The following NRXN3 variants were observed in gnomAD, a reference collection of about 807,000 sequenced individuals.
The protein encoded by NRXN3 is neurexin 3, also known as neurexin III.
NRXN3 carries 32 observed loss-of-function variants against 137.6 expected under a neutral mutation model. That is an observed-to-expected ratio of 0.23 (90% CI 0.18 to 0.31). The LOEUF is 0.31. Among genes scored for constraint, NRXN3 ranks in the 10% least tolerant of loss-of-function variants. The pLI is 1.00. For synonymous variants in NRXN3, 798 were observed against 784.5 expected (o/e 1.02, Z -0.29); for missense variants, 1,574 against 2,062.5 (o/e 0.76, Z 4.59).
At chr14:79,751,568 TCTC>T (rs1472095120) in intron 19 of NRXN3, among the ~76,000 whole-genome samples, 1 of 152,080 alleles carries the variant, frequency 6.6e-6, no homozygotes, top group Non-Finnish European at 1.5e-5. Flanking sequence ...TTTATTTCCT[TCTC>T]CTGCCTAATT....
chr14:78,723,683 T>A (rs751476511), intron 8 of NRXN3, among the ~76,000 whole-genome samples: 3 of 151,006 alleles, frequency 2.0e-5, no homozygotes, highest in Non-Finnish European at 4.4e-5. Context: ...CATTGTAGAA[T>A]CAAAGTGTAT....
chr14:78,185,873 G>T (rs923526364), intron 1 of NRXN3, among the ~76,000 whole-genome samples: 1 of 152,224 alleles, frequency 6.6e-6, no homozygotes, highest in Non-Finnish European at 1.5e-5. Context: ...GCTAGACCAT[G>T]GGTGGGGACT....
intron 10 of NRXN3, among the ~76,000 whole-genome samples, chr14:78,937,102 A>C (rs2152893558): frequency 6.6e-6 from 1 of 151,410 alleles, no homozygotes; most frequent in Non-Finnish European, 1.5e-5. Flanking sequence ...GGCACCCGTA[A>C]TCCCAGCTAC....
chr14:79,053,995 T>A (rs1391352016), intron 15 of NRXN3, among the ~76,000 whole-genome samples: 2 of 151,520 alleles, frequency 1.3e-5, no homozygotes, highest in African/African-American at 4.9e-5. Flanking sequence ...CATTGATGAG[T>A]TCATGTCCTT....
chr14:79,225,662 G>A (rs963391296), intron 15 of NRXN3, among the ~76,000 whole-genome samples: 2 of 151,910 alleles, frequency 1.3e-5, no homozygotes, highest in African/African-American at 4.8e-5. Context: ...TTTACCCCCT[G>A]AATCTAAAAT....
chr14:78,896,799 T>C (rs1202992780), intron 10 of NRXN3, among the ~76,000 whole-genome samples: 1 of 151,806 alleles, frequency 6.6e-6, no homozygotes, highest in Admixed American at 6.6e-5. Flanking sequence ...AGCATAGAAA[T>C]AGAATAATAC....
At position 79,204,096 on chromosome 14, in the gene NRXN3, C is replaced by T. The variant is rs569363533; in HGVS notation, c.3262+215955C>T. On this transcript the variant is annotated intron_variant, in intron 15 of 20. Transcript: ENST00000335750. ...ATCCCCCTGTGTGTGGCCCATGCTA[C>T]ACTCATACTCCCACTCACAAGTAAG... is the stretch of plus-strand genomic sequence containing the variant. 2.9e-3 allele frequency among the ~76,000 whole-genome samples: 441 copies of T among 152,160 alleles called. 1 individual carries two copies. The highest frequency in any genetic ancestry group is 4.5e-3 in the Non-Finnish European group (309 of 68,018).
chr14:78,665,628 G>T (rs1247502210), intron 6 of NRXN3, among the ~76,000 whole-genome samples: 1 of 152,096 alleles, frequency 6.6e-6, no homozygotes, highest in East Asian at 1.9e-4. Context: ...ACTCTTTGAG[G>T]ATGCAATAAT....
intron 15 of NRXN3, among the ~76,000 whole-genome samples, chr14:79,223,807 G>A (rs1250062451): frequency 3.9e-5 from 6 of 152,096 alleles, no homozygotes; most frequent in Non-Finnish European, 1.5e-5. Flanking sequence ...ACACAAAAGT[G>A]GTTGCCTCTC....
Position 79,307,078 on chromosome 14 carries a change from A to C in NRXN3, c.3263-160143A>C, listed in dbSNP as rs116597511. Among the ~76,000 whole-genome samples the C allele has an allele frequency of 8.3e-3, 1,255 of 152,080 alleles. 13 individuals carry two copies. The highest frequency in any genetic ancestry group is 0.029 in the African/African-American group (1,188 of 41,484). On this transcript the variant is annotated intron_variant, in intron 15 of 20. Coordinates refer to ENST00000335750, the MANE Select transcript of NRXN3 (RefSeq NM_001330195.2). ...TTGATTTAGTTTTTAGAGTTCTTTC[A>C]CCTCCCTAATTAGGACAGCCACAAT...
At chr14:79,393,086 G>A (rs753350443) in intron 15 of NRXN3, among the ~76,000 whole-genome samples, 1 of 151,732 alleles carries the variant, frequency 6.6e-6, no homozygotes, top group Non-Finnish European at 1.5e-5. Context: ...CATTGTGGAA[G>A]TCAGCAGGTA....
chr14:79,468,779 A>T (rs981223214), intron 16 of NRXN3, among the ~76,000 whole-genome samples: 1 of 152,176 alleles, frequency 6.6e-6, no homozygotes, highest in Non-Finnish European at 1.5e-5. Flanking sequence ...TATAAGCCAG[A>T]TCAGGGCAAG....
intron 6 of NRXN3, among the ~76,000 whole-genome samples, chr14:78,686,488 G>A (rs569456078): frequency 6.6e-6 from 1 of 152,148 alleles, no homozygotes; most frequent in Non-Finnish European, 1.5e-5. Flanking sequence ...ACGCCTCCTG[G>A]AAAGCAGGTT....
intron 6 of NRXN3, among the ~76,000 whole-genome samples, chr14:78,655,554 A>G (rs945837005): frequency 2.6e-5 from 4 of 152,178 alleles, no homozygotes; most frequent in Admixed American, 2.0e-4. Context: ...CATTTATTTG[A>G]CACTATGTTT....
chr14:78,960,057 C>A (rs1351156895), intron 11 of NRXN3, among the ~76,000 whole-genome samples: 2 of 152,156 alleles, frequency 1.3e-5, no homozygotes, highest in Non-Finnish European at 2.9e-5. Context: ...TTGTAAATTG[C>A]ACTTTCTTTT....
At chr14:79,264,626 A>G (rs1211392168) in intron 15 of NRXN3, among the ~76,000 whole-genome samples, 1 of 151,890 alleles carries the variant, frequency 6.6e-6, no homozygotes, top group Non-Finnish European at 1.5e-5. Flanking sequence ...CCAGTATATT[A>G]GATTAGTGCC....
In NRXN3 at chr14:79,226,673, A is replaced by G. The variant is rs139960002; in HGVS notation, c.3262+238532A>G. 1.7e-4 allele frequency among the ~76,000 whole-genome samples: 26 copies of G among 152,296 alleles called. No individual in the cohort carries two copies. In the East Asian group the frequency reaches 4.8e-3, roughly 28 times the overall value. On this transcript the variant is annotated intron_variant, in intron 15 of 20. Coordinates refer to ENST00000335750, the MANE Select transcript of NRXN3 (RefSeq NM_001330195.2). Reference sequence around the variant, plus strand: ...CACATTACTGGTAAAGCCTCAGGGTAAACAGGCATTGCCTCCCATTTTGAT... The same window carrying G: ...CACATTACTGGTAAAGCCTCAGGGTGAACAGGCATTGCCTCCCATTTTGAT...
intron 15 of NRXN3, among the ~76,000 whole-genome samples, chr14:79,215,520 CATG>C (rs568952235): frequency 1.1e-3 from 163 of 152,252 alleles, no homozygotes; most frequent in African/African-American, 3.8e-3. Context: ...GCCTCACAAT[CATG>C]ATGGAGGGTG....
intron 10 of NRXN3, among the ~76,000 whole-genome samples, chr14:78,853,967 A>T (rs1193526192): frequency 6.6e-6 from 1 of 152,198 alleles, no homozygotes; most frequent in Non-Finnish European, 1.5e-5. Context: ...TAATTTCAAT[A>T]TTCAGGCTGT....
Sources: allele counts gnomAD v4.1 joint callset (sites outside exome capture counted in the v4.1 genomes callset), GRCh38; gene constraint gnomAD v4.1.1; transcripts MANE v1.5; gene names NCBI Gene and HGNC (gene_info 2026-07-23, HGNC 2026-07-21).